The following DIP2A variants were observed in gnomAD, a reference collection of about 807,000 sequenced individuals.
DIP2A encodes the protein disco-interacting protein 2 homolog A.
Under a neutral mutation model 177.4 loss-of-function variants are expected in DIP2A, and 85 were observed. The observed-to-expected ratio is 0.48, with a 90% CI of 0.40 to 0.57. DIP2A has a LOEUF of 0.57. DIP2A is among the 20% of genes least tolerant of loss of function. The probability of loss-of-function intolerance (pLI) is 0.00; values close to 1 mark genes in which losing one functional copy is unlikely to be tolerated. For missense variants in DIP2A, 1,791 were observed against 2,100.2 expected (o/e 0.85, Z 2.88); for synonymous variants, 886 against 881.8 (o/e 1.00, Z -0.08).
chr21:46,543,976 T>C lies in DIP2A; in HGVS notation c.2177-1161T>C, dbSNP rs192169094. Among the ~76,000 whole-genome samples, 59 of 152,262 alleles carry C rather than the reference T, an allele frequency of 3.9e-4. No homozygotes were observed. The East Asian group carries it at 0.011, about 27-fold the overall frequency. ...TTTACTGTCTTTGGAGATGAGAATA[T>C]ATTAGAAAAAAACTCAAGAAGAGGC... On this transcript the variant is annotated intron_variant, in intron 18 of 37. Transcript: ENST00000417564.
At chr21:46,495,244 T>TCTCTCTCTC (rs2057273584) in intron 3 of DIP2A, among the ~76,000 whole-genome samples, 2 of 38,174 alleles carry the variant, frequency 5.2e-5, no homozygotes, top group African/African-American at 1.2e-4. Flanking sequence ...CTTCTCTTCT[T>TCTCTCTCTC]TCTCTCTCTC....
chr21:46,532,457 C>T (rs1265657695), intron 10 of DIP2A, among the ~76,000 whole-genome samples: 2 of 152,146 alleles, frequency 1.3e-5, no homozygotes, highest in African/African-American at 4.8e-5. Context: ...AACCGTTTTG[C>T]TGGTGATGCT....
At chr21:46,511,869 C>T (rs1016895691) in intron 8 of DIP2A, among the ~76,000 whole-genome samples, 7 of 152,046 alleles carry the variant, frequency 4.6e-5, no homozygotes, top group African/African-American at 1.7e-4. Context: ...AGTTTAGTTT[C>T]GTCTTATTTT....
In DIP2A at chr21:46,496,870, CAGAG is replaced by C. The variant is rs1279877648; in HGVS notation, c.284-113_284-110del. 11 of 992,966 alleles carry C rather than the reference CAGAG, an allele frequency of 1.1e-5. No homozygotes were observed. In the East Asian group the frequency reaches 2.1e-4, roughly 19 times the overall value. The allele number at this position is 992,966 out of a possible 1,614,324, so 61.5% of individuals were successfully genotyped here. On this transcript the variant is annotated intron_variant, in intron 3 of 37. Coordinates refer to ENST00000417564, the MANE Select transcript of DIP2A (RefSeq NM_015151.4). Reference sequence around the variant, plus strand: ...TCTAGGACCAACATGTGAGGATAGACAGAGAGAGCTTCTATTCCTTTTACCCCCA... The same window carrying C: ...TCTAGGACCAACATGTGAGGATAGACAGAGCTTCTATTCCTTTTACCCCCA...
intron 32 of DIP2A, among the ~76,000 whole-genome samples, chr21:46,560,282 A>G (rs1280708117): frequency 2.0e-5 from 3 of 152,204 alleles, no homozygotes; most frequent in Non-Finnish European, 4.4e-5. Context: ...TAGAAAGGTG[A>G]AGGCTGCCAT....
At chr21:46,565,339 G>C (rs898905233) in intron 35 of DIP2A, among the ~76,000 whole-genome samples, 1 of 152,202 alleles carries the variant, frequency 6.6e-6, no homozygotes, top group South Asian at 2.1e-4. Context: ...TCTCCACTCT[G>C]TAAGAACCCT....
intron 6 of DIP2A, among the ~76,000 whole-genome samples, chr21:46,506,204 C>A (rs2057973651): frequency 6.6e-6 from 1 of 152,036 alleles, no homozygotes; most frequent in African/African-American, 2.4e-5. Context: ...TGAAACCTCG[C>A]CATCCTGGGT....
chr21:46,554,834 G>A lies in DIP2A; in HGVS notation c.3289G>A (p.Ala1097Thr), dbSNP rs1486071628. ...VKMIVEVSKSACVLTTQAVTR... is the reference protein window; with the variant it reads ...VKMIVEVSKSTCVLTTQAVTR... ...CCTCGCCATGCAGGTCAGCAAGTCT[G>A]CATGCGTCCTCACCACGCAGGCTGT... The change falls in exon 28 of 38, where the codon GCA becomes ACA. Residue 1097 changes from alanine (A) to threonine (T), a missense_variant. Coordinates refer to ENST00000417564, the MANE Select transcript of DIP2A (RefSeq NM_015151.4). 6 of 1,460,764 alleles carry A rather than the reference G, an allele frequency of 4.1e-6. No homozygotes were observed. The South Asian group carries it at 4.9e-5, about 12-fold the overall frequency. The allele number at this position is 1,460,764 out of a possible 1,614,324, so 90.5% of individuals were successfully genotyped here. A position where few individuals can be genotyped will look rare whatever the true frequency, so the allele number is the denominator to read the frequency against.
chr21:46,489,100 T>C (rs1442866925), intron 2 of DIP2A, among the ~76,000 whole-genome samples: 1 of 151,398 alleles, frequency 6.6e-6, no homozygotes, highest in South Asian at 2.1e-4. Context: ...CAAACACACG[T>C]GTGTGTGTGG....
Position 46,556,143 on chromosome 21 carries a change from G to A in DIP2A, c.3498+52G>A. On this transcript the variant is annotated intron_variant, in intron 29 of 37. Coordinates refer to ENST00000417564, the MANE Select transcript of DIP2A (RefSeq NM_015151.4). This position sits in a 1 kb window ranked among gnomAD's most constrained non-coding sequence, Gnocchi z 4.5. ...TCAGCCCCTAGAAATCAGGAGGAGT[G>A]GACAGAAAGGATGTCAGATGCAGAT... The A allele has an allele frequency of 6.6e-7, 1 of 1,515,238 alleles. No homozygotes were observed. The allele number at this position is 1,515,238 out of a possible 1,614,324, so 93.9% of individuals were successfully genotyped here. A position where few individuals can be genotyped will look rare whatever the true frequency, so the allele number is the denominator to read the frequency against.
At position 46,569,336 on chromosome 21, in the gene DIP2A, CT is replaced by C. The variant is rs1377553347; in HGVS notation, c.*1715del. On this transcript the variant is annotated 3_prime_UTR_variant, in exon 38 of 38. Transcript: ENST00000417564. ...AGCCCTGTTTCCCCATGGTGTTGGA[CT>C]GTGGTAAAGTATGTTGTGACATACT... 3 of 152,154 alleles carry C rather than the reference CT, an allele frequency of 2.0e-5. No homozygotes were observed. Among genetic ancestry groups the C allele is most frequent in the Admixed American group, 2.0e-4 (3 of 15,284 alleles). 9.4% of individuals were successfully genotyped at this position (152,154 alleles called of 1,614,324 possible).
chr21:46,582,607 G>C, the DIP2A span, among the ~76,000 whole-genome samples: 12 of 152,242 alleles, frequency 7.9e-5, no homozygotes, highest in Non-Finnish European at 1.2e-4. Flanking sequence ...GCTCCACCCT[G>C]CTTTTCCCGA....
intron 28 of DIP2A, chr21:46,555,670 T>A (rs1336591650): frequency 2.8e-6 from 1 of 362,040 alleles, no homozygotes; most frequent in Non-Finnish European, 5.2e-6. Context: ...CTCTGTGACT[T>A]TTGGCAAATC....
chr21:46,508,669 C>T (rs866262986), intron 6 of DIP2A, among the ~76,000 whole-genome samples: 3 of 151,736 alleles, frequency 2.0e-5, no homozygotes, highest in Non-Finnish European at 2.9e-5. Context: ...ATGGAATAGT[C>T]GTGACCTCAT....
chr21:46,562,418 G>C (rs1318296459), intron 34 of DIP2A, among the ~76,000 whole-genome samples: 2 of 152,210 alleles, frequency 1.3e-5, no homozygotes, highest in African/African-American at 4.8e-5. Flanking sequence ...ATGAGTCGGG[G>C]ACCCTGGTGC....
Position 46,557,824 on chromosome 21 carries a change from C to T in DIP2A, c.3798+71C>T, listed in dbSNP as rs879051889. 1.3e-6 allele frequency: 2 copies of T among 1,523,448 alleles called. No individual in the cohort carries two copies. The highest frequency in any genetic ancestry group is 2.3e-5 in the East Asian group (1 of 42,758). 94.4% of individuals were successfully genotyped at this position (1,523,448 alleles called of 1,614,324 possible). A position where few individuals can be genotyped will look rare whatever the true frequency, so the allele number is the denominator to read the frequency against. ...CCTGGGAAGTTTAAAAACAACAAAA[C>T]AAAACAAGACTCCCAAGGCCCCTCC... On this transcript the variant is annotated intron_variant, in intron 31 of 37. Coordinates refer to ENST00000417564, the MANE Select transcript of DIP2A (RefSeq NM_015151.4). This position sits in a 1 kb window ranked among gnomAD's most constrained non-coding sequence, Gnocchi z 6.0.
At chr21:46,546,086 T>C in intron 20 of DIP2A, 125 bp downstream of exon 20, 1 of 1,535,716 alleles carries the variant, frequency 6.5e-7, no homozygotes, top group Non-Finnish European at 8.8e-7. Context: ...CCTTGGTCGG[T>C]GGCGCTGACC....
chr21:46,529,853 A>C (rs942136620), intron 9 of DIP2A, among the ~76,000 whole-genome samples: 1 of 152,122 alleles, frequency 6.6e-6, no homozygotes, highest in Non-Finnish European at 1.5e-5. Flanking sequence ...TCCCTATTCT[A>C]TGTGTCCAGG....
chr21:46,542,375 T>C (rs960052739), intron 18 of DIP2A, among the ~76,000 whole-genome samples: 1 of 152,212 alleles, frequency 6.6e-6, no homozygotes, highest in African/African-American at 2.4e-5. Context: ...CCATGTGAAG[T>C]GGGCAGCTCT....
Sources: allele counts gnomAD v4.1 joint callset (sites outside exome capture counted in the v4.1 genomes callset), GRCh38; gene constraint gnomAD v4.1.1; non-coding constraint Gnocchi (gnomAD v3.1); transcripts MANE v1.5; gene names NCBI Gene and HGNC (gene_info 2026-07-23, HGNC 2026-07-21).